The following NMT2 variants were observed in gnomAD, a reference collection of about 807,000 sequenced individuals.
The protein encoded by NMT2 is N-myristoyltransferase 2.
Under a neutral mutation model 65.4 loss-of-function variants are expected in NMT2, and 35 were observed. The observed-to-expected ratio is 0.54, with a 90% CI of 0.41 to 0.71. NMT2 has a LOEUF of 0.71. Ranked by LOEUF, NMT2 falls within the 30% of genes least tolerant of loss-of-function variation. The probability of loss-of-function intolerance (pLI) is 0.00; values close to 1 mark genes in which losing one functional copy is unlikely to be tolerated. For synonymous variants in NMT2, 226 were observed against 231.8 expected (o/e 0.98, Z 0.23); for missense variants, 489 against 611.3 (o/e 0.80, Z 2.11).
At chr10:15,142,847 G>A (rs1589338835) in intron 1 of NMT2, among the ~76,000 whole-genome samples, 1 of 152,162 alleles carries the variant, frequency 6.6e-6, no homozygotes, top group Non-Finnish European at 1.5e-5. Context: ...AGGTACATGA[G>A]CTAGAAATAT....
rs532581931 is a variant in NMT2, at chr10:15,110,559, C to T, written c.1339-720G>A. Among the ~76,000 whole-genome samples the T allele has an allele frequency of 3.9e-5, 6 of 152,194 alleles. No individual in the cohort carries two copies. In the South Asian group the frequency reaches 8.3e-4, roughly 21 times the overall value. On this transcript the variant is annotated intron_variant, in intron 10 of 11. Transcript: ENST00000378165. The stretch of plus-strand genomic sequence containing the variant: ...GAGGCTGAGGCAGGATTGCATAAGC[C>T]GAAGAGGTCGAGGCTGCAGTGAGCT...
Position 15,132,719 on chromosome 10 carries a change from C to T in NMT2, c.719+98G>A, listed in dbSNP as rs184601307. The T allele has an allele frequency of 2.6e-4, 222 of 846,694 alleles. No homozygotes were observed. In the African/African-American group the frequency reaches 2.6e-3, roughly 10 times the overall value. The allele number at this position is 846,694 out of a possible 1,614,324, so 52.4% of individuals were successfully genotyped here. A position where few individuals can be genotyped will look rare whatever the true frequency, so the allele number is the denominator to read the frequency against. On this transcript the variant is annotated intron_variant, in intron 6 of 11. Coordinates refer to ENST00000378165, the MANE Select transcript of NMT2 (RefSeq NM_004808.3). ...CTGGGATTAGAGGTGTGAGCCACTG[C>T]GCTTGGCCTGCATTCAGTAACTTTT... is the stretch of plus-strand genomic sequence containing the variant.
Position 15,152,368 on chromosome 10 carries a change from C to T in NMT2, c.111-10811G>A, listed in dbSNP as rs181094142. Among the ~76,000 whole-genome samples the T allele has an allele frequency of 1.2e-3, 183 of 152,228 alleles. 1 individual carries two copies. Among genetic ancestry groups the T allele is most frequent in the African/African-American group, 4.2e-3 (174 of 41,556 alleles). On this transcript the variant is annotated intron_variant, in intron 1 of 11. Coordinates refer to ENST00000378165, the MANE Select transcript of NMT2 (RefSeq NM_004808.3). ...ATTTTTTAAAAGCAGAGAAATACCA[C>T]AGAGCTCTGAGAAGTTGTCTACAAG...
Position 15,106,768 on chromosome 10 carries a change from A to C in NMT2, c.*2427T>G. The C allele has an allele frequency of 3.8e-5, 19 of 505,386 alleles. No individual in the cohort carries two copies. The highest frequency in any genetic ancestry group is 4.9e-5 in the Non-Finnish European group (19 of 391,222). 31.3% of individuals were successfully genotyped at this position (505,386 alleles called of 1,614,324 possible). ...ACAATCTGTCACAACAACTCAACTC[A>C]GCTTTGTAGTGTGAAGCAGCCATAG... On this transcript the variant is annotated 3_prime_UTR_variant, in exon 12 of 12. Coordinates refer to ENST00000378165, the MANE Select transcript of NMT2 (RefSeq NM_004808.3).
chr10:15,136,969 AC>A (rs1442924356), intron 2 of NMT2, among the ~76,000 whole-genome samples: 2 of 152,300 alleles, frequency 1.3e-5, no homozygotes, highest in Non-Finnish European at 2.9e-5. Flanking sequence ...ACATTGTAGA[AC>A]TTTGATACCA....
At chr10:15,124,520 A>G (rs907540155) in intron 8 of NMT2, among the ~76,000 whole-genome samples, 31 of 152,256 alleles carry the variant, frequency 2.0e-4, no homozygotes, top group Admixed American at 1.1e-3. Flanking sequence ...CCTATATTCA[A>G]AAGTCCATGA....
Position 15,106,697 on chromosome 10 carries a change from T to G in NMT2, c.*2498A>C, listed in dbSNP as rs1321824754. On this transcript the variant is annotated 3_prime_UTR_variant, in exon 12 of 12. Transcript: ENST00000378165. The stretch of plus-strand genomic sequence containing the variant: ...TCGTAGTGACCAAGGTCAACAAACT[T>G]TCTGTAAAAGACCAGAGAGTGAATA... The G allele has an allele frequency of 1.0e-6, 1 of 977,092 alleles. No individual in the cohort carries two copies. 60.5% of individuals were successfully genotyped at this position (977,092 alleles called of 1,614,324 possible).
intron 7 of NMT2, among the ~76,000 whole-genome samples, chr10:15,129,288 G>T (rs557335330): frequency 6.6e-6 from 1 of 152,110 alleles, no homozygotes; most frequent in Admixed American, 6.6e-5. Flanking sequence ...AATTTAACAG[G>T]ATATAGTAAT....
intron 8 of NMT2, among the ~76,000 whole-genome samples, chr10:15,123,674 A>C (rs1191523360): frequency 1.1e-4 from 17 of 152,212 alleles, no homozygotes; most frequent in Admixed American, 1.1e-3. Flanking sequence ...GGAATAGTGA[A>C]GCGGTCATGT....
At chr10:15,149,227 C>G (rs970194642) in intron 1 of NMT2, among the ~76,000 whole-genome samples, 5 of 147,262 alleles carry the variant, frequency 3.4e-5, no homozygotes, top group Non-Finnish European at 7.5e-5. Flanking sequence ...CATATCATTA[C>G]TACCATCATT....
intron 1 of NMT2, among the ~76,000 whole-genome samples, chr10:15,164,558 G>A (rs942274889): frequency 3.3e-5 from 5 of 152,138 alleles, no homozygotes; most frequent in African/African-American, 1.2e-4. Flanking sequence ...TGGAGAAGCC[G>A]GACATCAAAA....
Position 15,130,236 on chromosome 10 carries a change from T to C in NMT2, c.796A>G (p.Ile266Val), listed in dbSNP as rs1846229726. 6.2e-7 allele frequency: 1 copy of C among 1,610,020 alleles called. No individual in the cohort carries two copies. The highest frequency in any genetic ancestry group is 1.1e-5 in the South Asian group (1 of 89,788). The part of the protein sequence containing the change: ...LRSKRVAPVL[I>V]REITRRVNLE... ...TTCACTCTTCTAGTGATCTCTCGGA[T>C]TAGCACTGGGGCTACCCGTTTCGAT... The change falls in exon 7 of 12, where the codon ATC (isoleucine) becomes GTC (valine). Residue 266 changes from isoleucine to valine, a missense_variant. Coordinates refer to ENST00000378165, the MANE Select transcript of NMT2 (RefSeq NM_004808.3).
chr10:15,166,899 C>A (rs1833395601), intron 1 of NMT2, among the ~76,000 whole-genome samples: 1 of 152,046 alleles, frequency 6.6e-6, no homozygotes, highest in Non-Finnish European at 1.5e-5. Flanking sequence ...ACAGTGTAAG[C>A]AAAGAAGTCC....
intron 1 of NMT2, among the ~76,000 whole-genome samples, chr10:15,166,950 C>T (rs938799021): frequency 1.3e-4 from 20 of 152,110 alleles, no homozygotes; most frequent in Non-Finnish European, 2.9e-5. Context: ...AAAGGAGGAA[C>T]AATAAACAGA....
At chr10:15,140,303 T>C (rs1240331865) in intron 2 of NMT2, among the ~76,000 whole-genome samples, 1 of 151,840 alleles carries the variant, frequency 6.6e-6, no homozygotes, top group Non-Finnish European at 1.5e-5. Flanking sequence ...TTTGTATTTT[T>C]AGTAGAGACA....
At chr10:15,109,272 T>C (rs1845424103) in intron 11 of NMT2, 57 bp from the exon 12 acceptor site, 2 of 1,580,724 alleles carry the variant, frequency 1.3e-6, no homozygotes, top group Non-Finnish European at 1.7e-6. Flanking sequence ...TGTAGTACAA[T>C]AGATCTGTCT....
intron 2 of NMT2, among the ~76,000 whole-genome samples, chr10:15,136,250 GAAGGGAAGGGA>G (rs1471145673): frequency 6.8e-6 from 1 of 146,724 alleles, no homozygotes; most frequent in Non-Finnish European, 1.5e-5. Context: ...GAAAGGAAGG[GAAGGGAAGGGA>G]AAGGGAAGGG....
rs540618747 is a variant in NMT2 at position 15,165,118 on chromosome 10, G to A, written c.110+3385C>T. On this transcript the variant is annotated intron_variant, in intron 1 of 11. Transcript: ENST00000378165. ...GTGGAGGTTGCAGTGCGCCAAGATC[G>A]TACTATTGCACTCCAGCCTGGGTGA... Among the ~76,000 whole-genome samples, 8 of 150,380 alleles carry A rather than the reference G, an allele frequency of 5.3e-5. No individual in the cohort carries two copies. In the East Asian group the frequency reaches 5.9e-4, roughly 11 times the overall value.
At chr10:15,129,859 T>C (rs1158140390) in intron 7 of NMT2, among the ~76,000 whole-genome samples, 2 of 134,348 alleles carry the variant, frequency 1.5e-5, no homozygotes, top group Non-Finnish European at 3.0e-5. Flanking sequence ...GGTGAGCCAA[T>C]ATCACGCCAC....
Sources: allele counts gnomAD v4.1 joint callset (sites outside exome capture counted in the v4.1 genomes callset), GRCh38; gene constraint gnomAD v4.1.1; transcripts MANE v1.5; gene names NCBI Gene and HGNC (gene_info 2026-07-23, HGNC 2026-07-21).